Variants in PTCD1 observed in about 807,000 individuals in gnomAD.
PTCD1 encodes pentatricopeptide repeat domain 1, also known as pentatricopeptide repeat-containing protein 1, mitochondrial.
Under a neutral mutation model 53.4 loss-of-function variants are expected in PTCD1, and 50 were observed. The observed-to-expected ratio is 0.94, with a 90% CI of 0.75 to 1.19. The LOEUF (loss-of-function observed/expected upper bound fraction) is 1.19, where lower values mean the gene tolerates loss of function less well. Ranked by LOEUF, PTCD1 falls within the 50% of genes most tolerant of loss-of-function variation. PTCD1 has a pLI of 0.00. For synonymous variants in PTCD1, 413 were observed against 394.8 expected (o/e 1.05, Z -0.55); for missense variants, 918 against 904.8 (o/e 1.01, Z -0.19).
chr7:99,438,562 C>A (rs1264176823), intron 1 of PTCD1, 130 bp downstream of exon 1: 2 of 1,130,392 alleles, frequency 1.8e-6, no homozygotes, highest in Non-Finnish European at 2.2e-6. Flanking sequence ...CCTCTCCACA[C>A]GGACTTCTGC....
intron 1 of PTCD1, among the ~76,000 whole-genome samples, chr7:99,435,985 G>A (rs1796452320): frequency 6.6e-6 from 1 of 151,612 alleles, no homozygotes. Context: ...TGGGCCCAGA[G>A]GTTAGAAAGC....
In PTCD1 at chr7:99,427,119, C is replaced by T. The variant is rs550166418; in HGVS notation, c.916-1503G>A. Among the ~76,000 whole-genome samples the T allele has an allele frequency of 3.7e-3, 565 of 150,836 alleles. 3 individuals are homozygous for T. The highest frequency in any genetic ancestry group is 0.013 in the African/African-American group (535 of 41,108). ...CCCCCGCCAGGCCAGCCGCCCCGTC[C>T]GGGAGGGAGGTGGGGGTCAGCCCCC... is the stretch of plus-strand genomic sequence containing the variant. On this transcript the variant is annotated intron_variant, in intron 5 of 7. Coordinates refer to ENST00000292478, the MANE Select transcript of PTCD1 (RefSeq NM_015545.4).
chr7:99,437,310 ATTTCT>A lies in PTCD1; in HGVS notation c.-27+1377_-27+1381del, dbSNP rs201679709. Among the ~76,000 whole-genome samples the A allele has an allele frequency of 4.2e-3, 637 of 151,964 alleles. 5 individuals are homozygous for A. Among genetic ancestry groups the A allele is most frequent in the African/African-American group, 0.014 (582 of 41,422 alleles). ...CATGAAATAACAAGACCCTATCATA[ATTTCT>A]TTTCTTTTCTTTTTTTTTTTTTGAG... On this transcript the variant is annotated intron_variant, in intron 1 of 7. Transcript: ENST00000292478.
chr7:99,434,972 T>A lies in PTCD1; in HGVS notation c.271A>T (p.Thr91Ser). 6.2e-7 allele frequency: 1 copy of A among 1,614,066 alleles called. No homozygotes were observed. Among genetic ancestry groups the A allele is most frequent in the Non-Finnish European group, 8.5e-7 (1 of 1,180,008 alleles). Reference sequence around the variant, plus strand: ...CGGGAGGAGTATTTGTCAGAGAGGGTCCCAAAACTCTCCTCCTCCTCCTCG... The same window carrying A: ...CGGGAGGAGTATTTGTCAGAGAGGGACCCAAAACTCTCCTCCTCCTCCTCG... Reference protein sequence around the residue: ...EDEEEEESFGTLSDKYSSRRL... With the variant: ...EDEEEEESFGSLSDKYSSRRL... Residue 91 changes from threonine (T) to serine (S), a missense_variant, in exon 2 of 8, where the codon ACC becomes TCC. By Grantham distance (58) the Thr-to-Ser change is moderately conservative. Transcript: ENST00000292478.
rs1248088947 is a variant in PTCD1, at chr7:99,438,767, T to TC, written c.-103dup. ...GCGGCGAACCAGTCTCTTCCTCGGG[T>TC]CCCCCTCTCCCCAAGCGCGCAGGCG... On this transcript the variant is annotated 5_prime_UTR_variant, in exon 1 of 8. Transcript: ENST00000292478. 2.6e-5 allele frequency: 35 copies of TC among 1,349,720 alleles called. No individual in the cohort carries two copies. Among genetic ancestry groups the TC allele is most frequent in the East Asian group, 8.7e-5 (2 of 23,064 alleles). 83.6% of individuals were successfully genotyped at this position (1,349,720 alleles called of 1,614,324 possible). A position where few individuals can be genotyped will look rare whatever the true frequency, so the allele number is the denominator to read the frequency against.
At chr7:99,420,443 C>T (rs1358121126) in intron 7 of PTCD1, among the ~76,000 whole-genome samples, 4 of 152,214 alleles carry the variant, frequency 2.6e-5, no homozygotes, top group Admixed American at 6.5e-5. Context: ...GGCCCCCAAG[C>T]CAGAATCACT....
At chr7:99,432,354 A>G (rs1429152713) in intron 3 of PTCD1, among the ~76,000 whole-genome samples, 2 of 152,184 alleles carry the variant, frequency 1.3e-5, no homozygotes, top group Non-Finnish European at 2.9e-5. Context: ...TCAGGGCTGG[A>G]GGTGGGACCT....
intron 1 of PTCD1, 91 bp downstream of exon 1, chr7:99,438,601 C>A (rs1205150076): frequency 1.7e-6 from 2 of 1,149,518 alleles, no homozygotes; most frequent in Admixed American, 5.1e-5. Context: ...CAGACGCCCC[C>A]GGCTCCAATC....
chr7:99,423,688 C>T, intron 7 of PTCD1, 87 bp downstream of exon 7: 1 of 1,605,100 alleles, frequency 6.2e-7, no homozygotes, highest in South Asian at 1.1e-5. Flanking sequence ...CAACACAATC[C>T]CAAGGGCCAG....
chr7:99,426,841 T>A (rs1354808027), intron 5 of PTCD1, among the ~76,000 whole-genome samples: 1 of 122,218 alleles, frequency 8.2e-6, no homozygotes. Flanking sequence ...CCGTCTGGGA[T>A]GTGAGGAGCG....
At position 99,435,152 on chromosome 7, in the gene PTCD1, A is replaced by T. The variant is rs1163433454; in HGVS notation, c.91T>A (p.Trp31Arg). The T allele has an allele frequency of 1.2e-6, 2 of 1,601,220 alleles. No homozygotes were observed. The highest frequency in any genetic ancestry group is 1.7e-6 in the Non-Finnish European group (2 of 1,175,614). ...ATCAGCCCCTCCCTGCCTCCTGCCC[A>T]CCTGGCTCTACAGGGGTCCAGGTGT... ...LQHLDPCRAR[W>R]AGGREGLMRP... The change falls in exon 2 of 8, where the codon TGG becomes AGG. Residue 31 changes from tryptophan to arginine, a missense_variant. Transcript: ENST00000292478.
rs866873858 is a variant in PTCD1 at position 99,419,070 on chromosome 7, C to T, written c.*897G>A. The T allele has an allele frequency of 3.6e-5, 13 of 362,124 alleles. No individual in the cohort carries two copies. Among genetic ancestry groups the T allele is most frequent in the African/African-American group, 1.5e-4 (7 of 47,102 alleles). 22.4% of individuals were successfully genotyped at this position (362,124 alleles called of 1,614,324 possible). The stretch of plus-strand genomic sequence containing the variant: ...CAGTAGCAGAGCCACGTCTGCTCAT[C>T]GCAGGGTCTGTCATGCTCACTTAGC... On this transcript the variant is annotated 3_prime_UTR_variant, in exon 8 of 8. Transcript: ENST00000292478.
At chr7:99,426,161 T>C (rs1796010274) in intron 5 of PTCD1, among the ~76,000 whole-genome samples, 1 of 104,234 alleles carries the variant, frequency 9.6e-6, no homozygotes, top group Admixed American at 1.1e-4. Context: ...CCTCTCCCTC[T>C]CCCTCTCCCC....
At chr7:99,422,334 G>A (rs1036512575) in intron 7 of PTCD1, among the ~76,000 whole-genome samples, 14 of 152,122 alleles carry the variant, frequency 9.2e-5, no homozygotes, top group African/African-American at 3.1e-4. Flanking sequence ...CGCCCCATCC[G>A]GGCTGTGCTT....
rs1795959063 is a variant in PTCD1, at chr7:99,424,915, G to A, written c.1617C>T (p.Ala539=). 4.3e-6 allele frequency: 7 copies of A among 1,614,078 alleles called. No individual in the cohort carries two copies. The highest frequency in any genetic ancestry group is 5.9e-6 in the Non-Finnish European group (7 of 1,180,044). Residue 539 remains alanine (A), a synonymous_variant, in exon 6 of 8, where the codon GCC becomes GCT. Transcript: ENST00000292478. ...KKSKLGDLEG[A]KALLPVLAKR... ...TTGCCAGGACCGGCAACAGCGCCTT[G>A]GCCCCCTCCAGGTCTCCCAGCTTGC...
rs1795686775 is a variant in PTCD1, at chr7:99,419,299, G to C, written c.*668C>G. 6.8e-7 allele frequency: 1 copy of C among 1,466,018 alleles called. No homozygotes were observed. The highest frequency in any genetic ancestry group is 1.4e-5 in the African/African-American group (1 of 72,008). The allele number at this position is 1,466,018 out of a possible 1,614,324, so 90.8% of individuals were successfully genotyped here. A position where few individuals can be genotyped will look rare whatever the true frequency, so the allele number is the denominator to read the frequency against. The stretch of plus-strand genomic sequence containing the variant: ...AGGTGTGTCCCTATATGGCATGGTG[G>C]CAGGTCCTTCGTGGGAGGGTTGCCA... On this transcript the variant is annotated 3_prime_UTR_variant, in exon 8 of 8. Coordinates refer to ENST00000292478, the MANE Select transcript of PTCD1 (RefSeq NM_015545.4).
intron 1 of PTCD1, among the ~76,000 whole-genome samples, chr7:99,435,942 A>AT (rs1344867671): frequency 2.3e-4 from 34 of 150,522 alleles, no homozygotes; most frequent in African/African-American, 8.1e-4. Context: ...CAGAAAAAAA[A>AT]AAAAATAATA....
chr7:99,417,567 G>A lies in PTCD1; in HGVS notation c.*2400C>T. The stretch of plus-strand genomic sequence containing the variant: ...ACCAACTTCGGGACGAACTGCATCT[G>A]CCGCGTGCCCAAAAGCAAGCTGGAA... On this transcript the variant is annotated 3_prime_UTR_variant, in exon 8 of 8. Transcript: ENST00000292478. The A allele has an allele frequency of 6.2e-7, 1 of 1,612,868 alleles. No individual in the cohort carries two copies. The highest frequency in any genetic ancestry group is 8.5e-7 in the Non-Finnish European group (1 of 1,179,662).
chr7:99,416,769 G>A lies in PTCD1; in HGVS notation c.*3198C>T, dbSNP rs1236435234. On this transcript the variant is annotated 3_prime_UTR_variant, in exon 8 of 8. Coordinates refer to ENST00000292478, the MANE Select transcript of PTCD1 (RefSeq NM_015545.4). ...AGGGTCTTGCTCTGTTCCACAGGCT[G>A]GAGTGCAGTGGTGCAATGATGGCTC... is the stretch of plus-strand genomic sequence containing the variant. The A allele has an allele frequency of 6.8e-6, 1 of 147,962 alleles. No individual in the cohort carries two copies. Among genetic ancestry groups the A allele is most frequent in the Non-Finnish European group, 1.4e-5 (1 of 70,628 alleles). 9.2% of individuals were successfully genotyped at this position (147,962 alleles called of 1,614,324 possible).
Sources: gnomAD v4.1 joint callset for allele counts (sites outside exome capture counted in the v4.1 genomes callset) on GRCh38, gnomAD v4.1.1 for gene constraint, MANE v1.5 for transcripts, NCBI Gene and HGNC (gene_info 2026-07-23, HGNC 2026-07-21) for gene names.